The following EXOSC8 variants were observed in gnomAD, a reference collection of about 807,000 sequenced individuals.
EXOSC8 encodes the protein exosome component 8.
A neutral mutation model predicts 39.9 loss-of-function variants in EXOSC8; 37 were observed. The observed-to-expected ratio is 0.93, with a 90% CI of 0.71 to 1.22. The LOEUF (loss-of-function observed/expected upper bound fraction) is 1.22. EXOSC8 is among the 50% of genes most tolerant of loss of function. The pLI is 0.00. For synonymous variants in EXOSC8, 93 were observed against 109.5 expected (o/e 0.85, Z 0.94); for missense variants, 313 against 326.6 (o/e 0.96, Z 0.32).
Position 37,000,826 on chromosome 13 carries a change from A to G in EXOSC8, c.17+4A>G. ...GGAAGATGGCGGCTGGGTTCAAGTG[A>G]GTGTTGGCGGGTGGCGGGTAGAGTT... On this transcript the variant is annotated splice_donor_region_variant and intron_variant, in intron 1 of 10. Coordinates refer to ENST00000389704, the MANE Select transcript of EXOSC8 (RefSeq NM_181503.3). 1.3e-6 allele frequency: 2 copies of G among 1,575,032 alleles called. No homozygotes were observed. The highest frequency in any genetic ancestry group is 1.7e-6 in the Non-Finnish European group (2 of 1,160,786).
intron 3 of EXOSC8, 109 bp downstream of exon 3, chr13:37,002,660 T>G: frequency 1.2e-6 from 1 of 822,190 alleles, no homozygotes; most frequent in South Asian, 1.8e-5. Context: ...TTTGATGATT[T>G]TTTTTGTCAA....
intron 5 of EXOSC8, among the ~76,000 whole-genome samples, chr13:37,005,254 C>T (rs1044183001): frequency 1.4e-4 from 21 of 151,976 alleles, no homozygotes; most frequent in African/African-American, 5.1e-4. Flanking sequence ...TGGTAGGAAC[C>T]AACATTTTTT....
chr13:37,001,184 G>T (rs1184410173), intron 1 of EXOSC8, among the ~76,000 whole-genome samples: 2 of 152,142 alleles, frequency 1.3e-5, no homozygotes, highest in African/African-American at 4.8e-5. Flanking sequence ...CGAGGCGGGC[G>T]GATCACCTGA....
At chr13:37,005,068 G>A (rs1482115502) in intron 5 of EXOSC8, among the ~76,000 whole-genome samples, 1 of 152,002 alleles carries the variant, frequency 6.6e-6, no homozygotes, top group African/African-American at 2.4e-5. Flanking sequence ...AACTATAATT[G>A]TGTCACTGCA....
At chr13:37,004,680 T>G (rs2059126941) in intron 5 of EXOSC8, 119 bp downstream of exon 5, 1 of 633,634 alleles carries the variant, frequency 1.6e-6, no homozygotes, top group Non-Finnish European at 2.7e-6. Context: ...GAAATATTTA[T>G]GAATAAAACA....
At chr13:37,000,871 A>G (rs1310418292) in intron 1 of EXOSC8, 49 bp downstream of exon 1, 7 of 1,462,432 alleles carry the variant, frequency 4.8e-6, no homozygotes, top group Non-Finnish European at 6.4e-6. Flanking sequence ...GGCGGACGGC[A>G]GCTTCCTTTA....
At chr13:37,005,733 G>A (rs1158195910) in intron 5 of EXOSC8, among the ~76,000 whole-genome samples, 187 bp from the exon 6 acceptor site, 2 of 151,816 alleles carry the variant, frequency 1.3e-5, no homozygotes, top group Non-Finnish European at 2.9e-5. Context: ...GCGTGGTGGC[G>A]TGTGCCTGTA....
At chr13:37,007,218 A>G in intron 8 of EXOSC8, 147 bp downstream of exon 8, 1 of 662,660 alleles carries the variant, frequency 1.5e-6, no homozygotes, top group East Asian at 2.7e-5. Context: ...TGATAGTTGT[A>G]TATTCTCTAA....
rs1446576426 is a variant in EXOSC8, at chr13:37,008,744, T to TATAAGCACTTTGCTTATA, written c.624_625insATAAGCACTTTGCTTATA (p.Val208_Asp209insIleSerThrLeuLeuIle). On this transcript the variant is annotated inframe_insertion, in exon 10 of 11. Transcript: ENST00000389704. The stretch of plus-strand genomic sequence containing the variant: ...CTTTTTATAGCACTTTGCTTATAGT[T>TATAAGCACTTTGCTTATA]GACCCTACTGGAGAGGAGGAACATC... 1 of 1,609,868 alleles carries TATAAGCACTTTGCTTATA rather than the reference T, an allele frequency of 6.2e-7. No individual in the cohort carries two copies. Among genetic ancestry groups the TATAAGCACTTTGCTTATA allele is most frequent in the Non-Finnish European group, 8.5e-7 (1 of 1,176,548 alleles).
chr13:37,006,803 T>C (rs912250265), intron 7 of EXOSC8, among the ~76,000 whole-genome samples, 172 bp from the exon 8 acceptor site: 1 of 152,244 alleles, frequency 6.6e-6, no homozygotes, highest in Non-Finnish European at 1.5e-5. Context: ...GTCCACTTTC[T>C]TCTGGTTTTC....
At chr13:37,001,945 TTAAAA>T (rs1286594947) in intron 1 of EXOSC8, 9 of 205,426 alleles carry the variant, frequency 4.4e-5, no homozygotes, top group Non-Finnish European at 2.9e-5. Flanking sequence ...CACTAGATTA[TTAAAA>T]TAATCTTTTT....
intron 9 of EXOSC8, 59 bp downstream of exon 9, chr13:37,008,236 T>A: frequency 7.2e-7 from 1 of 1,391,440 alleles, no homozygotes; most frequent in Non-Finnish European, 1.0e-6. Flanking sequence ...TAATTGATGT[T>A]CAGCATTCTA....
At chr13:37,009,082 T>G (rs896792729) in intron 10 of EXOSC8, 102 bp from the exon 11 acceptor site, 1 of 790,784 alleles carries the variant, frequency 1.3e-6, no homozygotes, top group Non-Finnish European at 2.1e-6. Context: ...TACCCTGATT[T>G]ACATTATCCA....
Position 37,004,507 on chromosome 13 carries a change from C to G in EXOSC8, c.193-9C>G, listed in dbSNP as rs767250476. On this transcript the variant is annotated splice_polypyrimidine_tract_variant and intron_variant, in intron 4 of 10. Coordinates refer to ENST00000389704, the MANE Select transcript of EXOSC8 (RefSeq NM_181503.3). Reference sequence around the variant, plus strand: ...TCTTTCAATAGGAAACATTTCTTTGCTACTATAGGAATTTGCAGCACCATC... The same window carrying G: ...TCTTTCAATAGGAAACATTTCTTTGGTACTATAGGAATTTGCAGCACCATC... 11 of 1,598,080 alleles carry G rather than the reference C, an allele frequency of 6.9e-6. 1 individual carries two copies. In the South Asian group the frequency reaches 1.0e-4, roughly 15 times the overall value.
chr13:37,008,239 G>A, intron 9 of EXOSC8, 62 bp downstream of exon 9: 2 of 1,360,310 alleles, frequency 1.5e-6, no homozygotes, highest in Non-Finnish European at 2.1e-6. Flanking sequence ...TTGATGTTCA[G>A]CATTCTAACT....
rs1472480240 is a variant in EXOSC8, at chr13:37,009,461, T to TA, written c.*167dup. The TA allele has an allele frequency of 1.3e-6, 1 of 759,752 alleles. No individual in the cohort carries two copies. Among genetic ancestry groups the TA allele is most frequent in the Non-Finnish European group, 2.1e-6 (1 of 469,230 alleles). The allele number at this position is 759,752 out of a possible 1,614,324, so 47.1% of individuals were successfully genotyped here. On this transcript the variant is annotated 3_prime_UTR_variant, in exon 11 of 11. Coordinates refer to ENST00000389704, the MANE Select transcript of EXOSC8 (RefSeq NM_181503.3). ...ATATTATGTATAGTGAAACCATTTT[T>TA]AAAAAGCAATGACTTAGGCAAACCA...
rs1238501857 is a variant in EXOSC8 at position 37,009,371 on chromosome 13, T to C, written c.*72T>C. The C allele has an allele frequency of 1.2e-6, 1 of 838,194 alleles. No homozygotes were observed. The highest frequency in any genetic ancestry group is 1.9e-6 in the Non-Finnish European group (1 of 518,744). The allele number at this position is 838,194 out of a possible 1,614,324, so 51.9% of individuals were successfully genotyped here. A position where few individuals can be genotyped will look rare whatever the true frequency, so the allele number is the denominator to read the frequency against. ...AACACTGTGCACAAACGTTTTATAC[T>C]AAATAAATATCAAACTACATTCTTC... On this transcript the variant is annotated 3_prime_UTR_variant, in exon 11 of 11. Coordinates refer to ENST00000389704, the MANE Select transcript of EXOSC8 (RefSeq NM_181503.3).
Position 37,006,095 on chromosome 13 carries a change from C to G in EXOSC8, c.345-20C>G, listed in dbSNP as rs2059137215. 4.4e-6 allele frequency: 7 copies of G among 1,605,326 alleles called. No homozygotes were observed. Among genetic ancestry groups the G allele is most frequent in the Non-Finnish European group, 6.0e-6 (7 of 1,172,940 alleles). On this transcript the variant is annotated intron_variant, in intron 6 of 10. Coordinates refer to ENST00000389704, the MANE Select transcript of EXOSC8 (RefSeq NM_181503.3). ...AGTTTTGGGCTTTTCATTTACTTTGCTCTTTGTCATTAAATCAAGTTCACA... is the reference window on the plus strand; with the variant it reads ...AGTTTTGGGCTTTTCATTTACTTTGGTCTTTGTCATTAAATCAAGTTCACA...
intron 8 of EXOSC8, 85 bp downstream of exon 8, chr13:37,007,156 G>A (rs967604912): frequency 1.2e-6 from 1 of 834,286 alleles, no homozygotes; most frequent in African/African-American, 1.7e-5. Context: ...ATTTGCTTTC[G>A]TATGCTTCCA....
Sources: allele counts gnomAD v4.1 joint callset (sites outside exome capture counted in the v4.1 genomes callset), GRCh38; gene constraint gnomAD v4.1.1; transcripts MANE v1.5; gene names NCBI Gene and HGNC (gene_info 2026-07-23, HGNC 2026-07-21).